Variants in EPHA6 observed in about 807,000 individuals in gnomAD.
EPHA6 encodes the protein EPH receptor A6.
In EPHA6, 50 loss-of-function variants were observed where a neutral mutation model predicts 112.0. That is an observed-to-expected ratio of 0.45 (90% CI 0.36 to 0.56). The LOEUF (loss-of-function observed/expected upper bound fraction) is 0.56. EPHA6 is among the 20% of genes least tolerant of loss of function. The pLI is 0.00. For synonymous variants in EPHA6, 529 were observed against 490.7 expected (o/e 1.08, Z -1.03); for missense variants, 1,280 against 1,417.4 (o/e 0.90, Z 1.56).
intron 5 of EPHA6, among the ~76,000 whole-genome samples, chr3:97,273,999 A>G (rs2079981366): frequency 6.6e-6 from 1 of 152,164 alleles, no homozygotes; most frequent in Non-Finnish European, 1.5e-5. Flanking sequence ...GGCCTGAACA[A>G]TCCCTGAGGG....
chr3:97,665,329 T>C (rs1251482095), intron 14 of EPHA6, among the ~76,000 whole-genome samples: 1 of 152,174 alleles, frequency 6.6e-6, no homozygotes, highest in East Asian at 1.9e-4. Context: ...TCAAGATGGA[T>C]TAAAGACTTA....
At chr3:97,174,599 G>A (rs1418557296) in intron 3 of EPHA6, among the ~76,000 whole-genome samples, 1 of 151,850 alleles carries the variant, frequency 6.6e-6, no homozygotes, top group Non-Finnish European at 1.5e-5. Context: ...TTTAACTGAG[G>A]TGAGATGATA....
chr3:96,863,332 G>A lies in EPHA6; in HGVS notation c.386-3493G>A, dbSNP rs976572337. On this transcript the variant is annotated intron_variant, in intron 1 of 17. Coordinates refer to ENST00000389672, the MANE Select transcript of EPHA6 (RefSeq NM_001080448.3). ...CTTTTGTTTGGAGCCAGCAGGAGGAGCTCTCACCTTGCTGTGTTCAACGTA... is the reference window on the plus strand; with the variant it reads ...CTTTTGTTTGGAGCCAGCAGGAGGAACTCTCACCTTGCTGTGTTCAACGTA... 2.6e-5 allele frequency among the ~76,000 whole-genome samples: 4 copies of A among 151,938 alleles called. No homozygotes were observed. The South Asian group carries it at 6.2e-4, about 24-fold the overall frequency.
intron 5 of EPHA6, among the ~76,000 whole-genome samples, chr3:97,265,255 C>G (rs1457485999): frequency 6.6e-6 from 1 of 152,182 alleles, no homozygotes; most frequent in Non-Finnish European, 1.5e-5. Flanking sequence ...TGGAGCCTCA[C>G]TGGGGACTCT....
At chr3:97,066,036 A>T (rs2046166945) in intron 3 of EPHA6, among the ~76,000 whole-genome samples, 2 of 152,088 alleles carry the variant, frequency 1.3e-5, no homozygotes, top group African/African-American at 4.8e-5. Flanking sequence ...CCTTCATGTC[A>T]GTGATTTTAG....
At chr3:97,171,360 A>G (rs2108427851) in intron 3 of EPHA6, among the ~76,000 whole-genome samples, 1 of 152,286 alleles carries the variant, frequency 6.6e-6, no homozygotes, top group Non-Finnish European at 1.5e-5. Flanking sequence ...AGAAAATAGG[A>G]AAATTTATGT....
At chr3:96,838,351 A>G (rs911289657) in intron 1 of EPHA6, among the ~76,000 whole-genome samples, 1 of 152,168 alleles carries the variant, frequency 6.6e-6, no homozygotes, top group Non-Finnish European at 1.5e-5. Flanking sequence ...ATAGTGCTTC[A>G]GTGAACGTAC....
intron 10 of EPHA6, among the ~76,000 whole-genome samples, chr3:97,529,626 A>C (rs946319625): frequency 6.6e-6 from 1 of 152,080 alleles, no homozygotes; most frequent in Admixed American, 6.6e-5. Context: ...CTATGCATTT[A>C]ATTTAAAATT....
At chr3:97,746,911 T>C (rs1205961759) in intron 16 of EPHA6, among the ~76,000 whole-genome samples, 1 of 151,844 alleles carries the variant, frequency 6.6e-6, no homozygotes, top group Non-Finnish European at 1.5e-5. Context: ...AACAGACAAA[T>C]GGAAGTTTGA....
intron 7 of EPHA6, among the ~76,000 whole-genome samples, chr3:97,466,945 G>A (rs1164913563): frequency 1.3e-5 from 2 of 151,732 alleles, no homozygotes; most frequent in Non-Finnish European, 1.5e-5. Context: ...AGATTTCTTC[G>A]AATCATTCCA....
intron 5 of EPHA6, among the ~76,000 whole-genome samples, chr3:97,342,691 T>A (rs1197621198): frequency 6.6e-6 from 1 of 152,080 alleles, no homozygotes; most frequent in African/African-American, 2.4e-5. Context: ...TTTGTCTCCT[T>A]GCCCTCTCTC....
intron 1 of EPHA6, among the ~76,000 whole-genome samples, chr3:96,845,195 C>T (rs1221958264): frequency 6.6e-6 from 1 of 151,858 alleles, no homozygotes; most frequent in Non-Finnish European, 1.5e-5. Context: ...TAATGGATTT[C>T]TTCTCTTTAG....
At position 96,814,789 on chromosome 3, in the gene EPHA6, G is replaced by A; in HGVS notation, c.166G>A (p.Glu56Lys). 6.2e-7 allele frequency: 1 copy of A among 1,603,044 alleles called. No individual in the cohort carries two copies. Among genetic ancestry groups the A allele is most frequent in the Non-Finnish European group, 8.5e-7 (1 of 1,174,034 alleles). Residue 56 changes from glutamate to lysine, a missense_variant, in exon 1 of 18, where the codon GAG (glutamate) becomes AAG (lysine). Around this residue, in one of 4 missense-constraint regions of EPHA6, gnomAD observed 220 missense variants for 171.5 expected, o/e 1.28. Coordinates refer to ENST00000389672, the MANE Select transcript of EPHA6 (RefSeq NM_001080448.3). ...PGTPPAGRVE[E>K]EEEEEEEDVD... ...GACACCCCCTGCGGGCCGGGTGGAG[G>A]AGGAAGAGGAGGAGGAGGAAGAAGA...
intron 3 of EPHA6, among the ~76,000 whole-genome samples, chr3:97,093,559 T>A (rs576055316): frequency 1.3e-5 from 2 of 151,574 alleles, no homozygotes; most frequent in South Asian, 2.1e-4. Flanking sequence ...CAAAAAAAAA[T>A]AAAATAAAAA....
chr3:96,887,071 T>C (rs1210313864), intron 2 of EPHA6, among the ~76,000 whole-genome samples: 1 of 152,226 alleles, frequency 6.6e-6, no homozygotes, highest in Admixed American at 6.5e-5. Context: ...ACGTCCTGAA[T>C]TCTTTTTGAG....
intron 3 of EPHA6, among the ~76,000 whole-genome samples, chr3:97,071,869 C>T (rs983165410): frequency 1.3e-5 from 2 of 152,124 alleles, no homozygotes; most frequent in Admixed American, 6.6e-5. Flanking sequence ...ATTCCTCACC[C>T]GTCCCGCATT....
Position 97,227,675 on chromosome 3 carries a change from A to G in EPHA6, c.1270+1256A>G, listed in dbSNP as rs189104520. Among the ~76,000 whole-genome samples the G allele has an allele frequency of 4.3e-3, 654 of 152,276 alleles. 5 individuals carry two copies. The highest frequency in any genetic ancestry group is 0.014 in the African/African-American group (595 of 41,560). ...TCAAAGACACATATTAAATAACGCT[A>G]TAGGAGTCATGAAATTTATGAAAGC... is the stretch of plus-strand genomic sequence containing the variant. On this transcript the variant is annotated intron_variant, in intron 4 of 17. Transcript: ENST00000389672.
At chr3:96,964,259 C>T (rs1255417763) in intron 2 of EPHA6, among the ~76,000 whole-genome samples, 1 of 152,146 alleles carries the variant, frequency 6.6e-6, no homozygotes, top group African/African-American at 2.4e-5. Context: ...GCCCCTGAGG[C>T]TGGAAGGCCC....
intron 2 of EPHA6, among the ~76,000 whole-genome samples, chr3:96,882,492 C>A (rs183184767): frequency 1.3e-5 from 2 of 152,172 alleles, no homozygotes; most frequent in East Asian, 3.9e-4. Flanking sequence ...AGTCTTTTAT[C>A]CCTTTCCCAC....
Sources: allele counts gnomAD v4.1 joint callset (sites outside exome capture counted in the v4.1 genomes callset), GRCh38; gene constraint gnomAD v4.1.1; regional missense constraint gnomAD v4.1.1; transcripts MANE v1.5; gene names NCBI Gene and HGNC (gene_info 2026-07-23, HGNC 2026-07-21).